The following ADAMTSL1 variants were observed in gnomAD, a reference collection of about 807,000 sequenced individuals.
The protein encoded by ADAMTSL1 is ADAMTS like 1.
In ADAMTSL1, 126 loss-of-function variants were observed where a neutral mutation model predicts 201.8. The observed-to-expected ratio is 0.62, with a 90% CI of 0.54 to 0.72. The LOEUF is 0.72. ADAMTSL1 is among the 30% of genes least tolerant of loss of function. ADAMTSL1 has a pLI of 0.00. For missense variants in ADAMTSL1, 2,679 were observed against 2,277.8 expected (o/e 1.18, Z -3.59); for synonymous variants, 1,121 against 903.4 (o/e 1.24, Z -4.32).
At chr9:18,354,556 T>G (rs1409064609) in intron 2 of ADAMTSL1, among the ~76,000 whole-genome samples, 2 of 152,210 alleles carry the variant, frequency 1.3e-5, no homozygotes, top group African/African-American at 4.8e-5. Flanking sequence ...TCCCTTCCTC[T>G]GTTCACTTTT....
Position 18,770,777 on chromosome 9 carries a change from C to A in ADAMTSL1, c.2393C>A (p.Thr798Lys). The change falls in exon 17 of 29, where the codon ACA becomes AAA. Residue 798 changes from threonine to lysine, a missense_variant. Transcript: ENST00000380548. The part of the protein sequence containing the change: ...CPSEWLLSDW[T>K]ECSTSCGEGT... The stretch of plus-strand genomic sequence containing the variant: ...AGCGAGTGGCTTCTCTCAGACTGGA[C>A]AGAGGTATGTATGTTCCTCCGAAGA... 6.2e-7 allele frequency: 1 copy of A among 1,613,650 alleles called. No individual in the cohort carries two copies. Among genetic ancestry groups the A allele is most frequent in the South Asian group, 1.1e-5 (1 of 90,994 alleles).
chr9:18,856,460 A>ATTTTTTTTTTTT (rs398010404), intron 23 of ADAMTSL1, among the ~76,000 whole-genome samples: 1 of 112,014 alleles, frequency 8.9e-6, no homozygotes, highest in Non-Finnish European at 1.7e-5. Context: ...GATAAGAAGG[A>ATTTTTTTTTTTT]TTTTTTTTTT....
At chr9:18,490,648 AAG>A (rs1404026523) in intron 1 of ADAMTSL1, among the ~76,000 whole-genome samples, 1 of 152,120 alleles carries the variant, frequency 6.6e-6, no homozygotes, top group East Asian at 1.9e-4. Flanking sequence ...GGCCTGAGGA[AAG>A]AGTCTTGGGG....
intron 3 of ADAMTSL1, among the ~76,000 whole-genome samples, chr9:18,543,345 G>C (rs1158907844): frequency 8.0e-6 from 1 of 124,304 alleles, no homozygotes; most frequent in Non-Finnish European, 1.6e-5. Context: ...TTGACCCACA[G>C]CTTTTTTTTT....
chr9:18,196,421 G>A (rs565002076), intron 2 of ADAMTSL1, among the ~76,000 whole-genome samples: 1 of 151,978 alleles, frequency 6.6e-6, no homozygotes, highest in South Asian at 2.1e-4. Flanking sequence ...ATATATTCAG[G>A]CTTAATTGTA....
intron 2 of ADAMTSL1, among the ~76,000 whole-genome samples, chr9:18,201,780 G>T (rs1829457820): frequency 6.6e-6 from 1 of 152,110 alleles, no homozygotes; most frequent in Admixed American, 6.6e-5. Context: ...CTTATTGTTT[G>T]TATGTCTTTG....
intron 16 of ADAMTSL1, among the ~76,000 whole-genome samples, chr9:18,756,798 C>T (rs1245578190): frequency 6.6e-6 from 1 of 152,198 alleles, no homozygotes; most frequent in Non-Finnish European, 1.5e-5. Flanking sequence ...AGGGGAGAAA[C>T]TCTCTCTCCT....
intron 1 of ADAMTSL1, among the ~76,000 whole-genome samples, chr9:18,123,265 C>T (rs1040706448): frequency 3.3e-5 from 5 of 152,162 alleles, no homozygotes; most frequent in African/African-American, 1.2e-4. Flanking sequence ...TTTCAGTTTT[C>T]ATCACAAGTT....
intron 3 of ADAMTSL1, 54 bp from the exon 4 acceptor site, chr9:18,573,976 T>G (rs908230000): frequency 1.9e-5 from 27 of 1,458,560 alleles, no homozygotes; most frequent in East Asian, 6.8e-5. Flanking sequence ...TCTGGTTTCA[T>G]GTTTGGGGGT....
intron 2 of ADAMTSL1, among the ~76,000 whole-genome samples, chr9:18,207,449 C>G (rs1339446720): frequency 1.3e-5 from 2 of 152,108 alleles, no homozygotes; most frequent in Non-Finnish European, 2.9e-5. Flanking sequence ...GATTATAACT[C>G]AAGTCTACTG....
At chr9:18,533,662 A>G (rs964160523) in intron 3 of ADAMTSL1, among the ~76,000 whole-genome samples, 1 of 152,202 alleles carries the variant, frequency 6.6e-6, no homozygotes, top group African/African-American at 2.4e-5. Context: ...AAACTCATTC[A>G]TTTATTCAAC....
intron 5 of ADAMTSL1, among the ~76,000 whole-genome samples, chr9:18,623,274 T>G (rs973492683): frequency 4.6e-5 from 7 of 151,702 alleles, no homozygotes. Context: ...TTATTAGACA[T>G]GTACTTGCTG....
intron 23 of ADAMTSL1, among the ~76,000 whole-genome samples, chr9:18,867,426 G>A (rs1827602654): frequency 6.6e-6 from 1 of 152,290 alleles, no homozygotes; most frequent in African/African-American, 2.4e-5. Context: ...AGTCATTCCT[G>A]ATGATTTAAA....
intron 23 of ADAMTSL1, among the ~76,000 whole-genome samples, chr9:18,887,163 GT>G (rs1447982198): frequency 3.2e-4 from 49 of 152,156 alleles, no homozygotes; most frequent in African/African-American, 1.1e-3. Context: ...ACTGCAACCT[GT>G]TTATCTTACC....
chr9:18,503,313 T>C (rs1415960165), intron 1 of ADAMTSL1, among the ~76,000 whole-genome samples: 1 of 151,780 alleles, frequency 6.6e-6, no homozygotes, highest in Non-Finnish European at 1.5e-5. Flanking sequence ...CAATATTTGT[T>C]CTTTCATGTC....
intron 4 of ADAMTSL1, among the ~76,000 whole-genome samples, chr9:18,599,409 G>C (rs1362699037): frequency 6.6e-6 from 1 of 152,208 alleles, no homozygotes; most frequent in Non-Finnish European, 1.5e-5. Flanking sequence ...TGGGTGCTTA[G>C]GAGGAGGTAG....
At chr9:18,883,838 TA>T (rs1828692099) in intron 23 of ADAMTSL1, among the ~76,000 whole-genome samples, 1 of 152,246 alleles carries the variant, frequency 6.6e-6, no homozygotes, top group African/African-American at 2.4e-5. Flanking sequence ...TTGAGTGGTT[TA>T]AATCTTTTGG....
In ADAMTSL1 at chr9:18,808,468, A is replaced by C. The variant is rs1011857336; in HGVS notation, c.3806-8641A>C. On this transcript the variant is annotated intron_variant, in intron 20 of 28. Coordinates refer to ENST00000380548, the MANE Select transcript of ADAMTSL1 (RefSeq NM_001040272.6). ...AACAACAGTGATCCTCCTGACAAGA[A>C]AAAAAGGCCATTACTTTCCAGCAAA... 2.6e-5 allele frequency among the ~76,000 whole-genome samples: 4 copies of C among 152,240 alleles called. No individual in the cohort carries two copies. In the East Asian group the frequency reaches 5.8e-4, roughly 22 times the overall value.
chr9:18,803,058 C>T (rs1453744061), intron 20 of ADAMTSL1, among the ~76,000 whole-genome samples: 2 of 152,146 alleles, frequency 1.3e-5, no homozygotes, highest in Admixed American at 6.5e-5. Flanking sequence ...TGCGTATTTG[C>T]TTTTGCTGCC....
Sources: allele counts gnomAD v4.1 joint callset (sites outside exome capture counted in the v4.1 genomes callset), GRCh38; gene constraint gnomAD v4.1.1; transcripts MANE v1.5; gene names NCBI Gene and HGNC (gene_info 2026-07-23, HGNC 2026-07-21).